The following USP26 variants were observed in gnomAD, a reference collection of about 807,000 sequenced individuals.
The protein encoded by USP26 is ubiquitin specific peptidase 26.
For synonymous variants in USP26, 236 were observed against 240.6 expected, an observed-to-expected ratio of 0.98 and a Z score of 0.18; for missense variants, 649 against 642.3, an observed-to-expected ratio of 1.01 and a Z score of -0.11.
At chrX:133,071,940 T>C (rs1029853348) in intron 5 of USP26, among the ~76,000 whole-genome samples, 2 of 111,610 alleles carry the variant, frequency 1.8e-5, no homozygotes, top group Non-Finnish European at 3.8e-5. Flanking sequence ...CAAGGTCACC[T>C]GGCTGCTTAG....
intron 5 of USP26, among the ~76,000 whole-genome samples, chrX:133,034,132 C>T (rs1474461112): frequency 8.9e-6 from 1 of 111,817 alleles, no homozygotes; most frequent in Non-Finnish European, 1.9e-5. Flanking sequence ...AAGACTGTTA[C>T]TTTGCCTGTG....
At chrX:133,079,570 A>T (rs1381690637) in intron 5 of USP26, among the ~76,000 whole-genome samples, 1 of 112,092 alleles carries the variant, frequency 8.9e-6, no homozygotes, top group African/African-American at 3.2e-5. Context: ...AGATAAAAAT[A>T]GAAAAGACAT....
At chrX:133,058,869 C>T (rs997880920) in intron 5 of USP26, among the ~76,000 whole-genome samples, 6 of 111,208 alleles carry the variant, frequency 5.4e-5, no homozygotes, top group African/African-American at 1.3e-4. Context: ...AGTGCAGTGG[C>T]GTGATCTCAG....
chrX:133,045,521 T>A (rs1304089557), intron 5 of USP26, among the ~76,000 whole-genome samples: 2 of 111,916 alleles, frequency 1.8e-5, no homozygotes, highest in Admixed American at 9.5e-5. Context: ...ACTCTTTGGG[T>A]CCACACTGCC....
chrX:133,034,860 CAA>C (rs11432441), intron 5 of USP26, among the ~76,000 whole-genome samples: 1 of 98,229 alleles, frequency 1.0e-5, no homozygotes, highest in African/African-American at 3.7e-5. Flanking sequence ...ATGTCTCTTA[CAA>C]AAAAAAAAAA....
chrX:133,052,901 T>C (rs2148530792), intron 5 of USP26, among the ~76,000 whole-genome samples: 1 of 111,233 alleles, frequency 9.0e-6, no homozygotes, highest in South Asian at 3.9e-4. Context: ...CTGTCTCCTA[T>C]TGCCACATGG....
chrX:133,060,622 G>T (rs910282995), intron 5 of USP26, among the ~76,000 whole-genome samples: 23 of 111,116 alleles, frequency 2.1e-4, no homozygotes, highest in Non-Finnish European at 3.6e-4. Context: ...AAACATAAGA[G>T]AAAAAAATTA....
intron 5 of USP26, among the ~76,000 whole-genome samples, chrX:133,066,908 A>G (rs12558399): frequency 0.043 from 4,859 of 111,978 alleles, 129 homozygotes; most frequent in Non-Finnish European, 0.065. Flanking sequence ...TCTGCTCAGC[A>G]AAAGAAACTA....
intron 1 of USP26, among the ~76,000 whole-genome samples, chrX:133,093,771 A>G (rs1268866505): frequency 9.1e-6 from 1 of 110,125 alleles, no homozygotes; most frequent in Non-Finnish European, 1.9e-5. Context: ...ACTTAAACCC[A>G]GGAGTTGGAG....
chrX:133,075,124 T>G (rs1335261990), intron 5 of USP26, among the ~76,000 whole-genome samples: 1 of 111,500 alleles, frequency 9.0e-6, no homozygotes, highest in Non-Finnish European at 1.9e-5. Flanking sequence ...TCTTCTCCAG[T>G]ACTCTCTCCC....
chrX:133,096,047 A>ATTTT (rs779131148), intron 1 of USP26, among the ~76,000 whole-genome samples: 1,325 of 36,540 alleles, frequency 0.036, 225 homozygotes, highest in African/African-American at 0.087. Flanking sequence ...GCCCGGCCTA[A>ATTTT]TTTTTTTTTT....
In USP26 at chrX:133,027,530, T is replaced by C; in HGVS notation, c.691A>G (p.Lys231Glu). Reference sequence around the variant, plus strand: ...CATGAAGATTCACATTCCAATTTCTTATTCTCTTCTAACTCTTTTAACTTC... The same window carrying C: ...CATGAAGATTCACATTCCAATTTCTCATTCTCTTCTAACTCTTTTAACTTC... ...QLKLKELEEN[K>E]KLECESSCIM... The change falls in exon 6 of 6, where the codon AAG becomes GAG. Residue 231 changes from lysine (K) to glutamate (E), a missense_variant. Physicochemically the swap from Lys to Glu is moderately conservative, Grantham distance 56. Coordinates refer to ENST00000511190, the MANE Select transcript of USP26 (RefSeq NM_031907.3). 1 of 1,210,113 alleles carries C rather than the reference T, an allele frequency of 8.3e-7. No individual in the cohort carries two copies. The highest frequency in any genetic ancestry group is 1.1e-6 in the Non-Finnish European group (1 of 894,589).
At chrX:133,042,900 A>G (rs977510514) in intron 5 of USP26, among the ~76,000 whole-genome samples, 1 of 111,257 alleles carries the variant, frequency 9.0e-6, no homozygotes. Context: ...AAGCAACATG[A>G]AGCCTTAAAA....
chrX:133,073,873 G>T (rs755069832), intron 5 of USP26, among the ~76,000 whole-genome samples: 1 of 111,215 alleles, frequency 9.0e-6, no homozygotes. Flanking sequence ...TGTGGCCAGA[G>T]CATGGTCACC....
At chrX:133,029,536 A>G (rs2067368632) in intron 5 of USP26, among the ~76,000 whole-genome samples, 1 of 111,785 alleles carries the variant, frequency 8.9e-6, no homozygotes, top group Admixed American at 9.5e-5. Context: ...AGTTCTCTGG[A>G]TTATTTCTAT....
intron 1 of USP26, among the ~76,000 whole-genome samples, chrX:133,093,930 G>A (rs1020335621): frequency 7.5e-5 from 7 of 93,239 alleles, no homozygotes; most frequent in East Asian, 3.4e-4. Flanking sequence ...GTAGAGTGCC[G>A]TGATCACACC....
intron 5 of USP26, among the ~76,000 whole-genome samples, chrX:133,036,988 A>C (rs771111413): frequency 1.9e-4 from 21 of 112,359 alleles, no homozygotes; most frequent in Non-Finnish European, 3.2e-4. Flanking sequence ...TTTGAGGAGT[A>C]TCTGTTTATA....
At chrX:133,059,184 C>T (rs997180123) in intron 5 of USP26, among the ~76,000 whole-genome samples, 1 of 111,008 alleles carries the variant, frequency 9.0e-6, no homozygotes, top group African/African-American at 3.3e-5. Flanking sequence ...CCTTTCATCC[C>T]CTCTCCTAGC....
intron 5 of USP26, among the ~76,000 whole-genome samples, chrX:133,083,451 C>T (rs1004502761): frequency 4.9e-5 from 1 of 20,484 alleles, no homozygotes. Flanking sequence ...GATCAAAAAT[C>T]CAAGGAAACA....
Sources: gnomAD v4.1 joint callset for allele counts (sites outside exome capture counted in the v4.1 genomes callset) on GRCh38, gnomAD v4.1.1 for gene constraint, MANE v1.5 for transcripts, NCBI Gene and HGNC (gene_info 2026-07-23, HGNC 2026-07-21) for gene names.